Variants in SLC39A11 observed in about 807,000 individuals in gnomAD.
The protein encoded by SLC39A11 is zinc transporter ZIP11.
SLC39A11 carries 33 observed loss-of-function variants against 36.1 expected under a neutral mutation model. The ratio of observed to expected loss-of-function variants is 0.91; its 90% CI spans 0.69 to 1.22. SLC39A11 has a LOEUF of 1.22. Among genes scored for constraint, SLC39A11 ranks in the 50% most tolerant of loss-of-function variants. The pLI is 0.00. For synonymous variants in SLC39A11, 166 were observed against 170.3 expected (o/e 0.97, Z 0.20); for missense variants, 432 against 430.3 (o/e 1.00, Z -0.03).
chr17:73,001,637 T>C (rs2089830113), intron 4 of SLC39A11, among the ~76,000 whole-genome samples: 1 of 151,256 alleles, frequency 6.6e-6, no homozygotes, highest in African/African-American at 2.4e-5. Flanking sequence ...AACAGAGAAA[T>C]AGGAAGGAAG....
Position 72,947,893 on chromosome 17 carries a change from A to AAC in SLC39A11, c.307-20_307-19dup. 6.2e-7 allele frequency: 1 copy of AAC among 1,612,378 alleles called. No individual in the cohort carries two copies. The highest frequency in any genetic ancestry group is 8.5e-7 in the Non-Finnish European group (1 of 1,179,994). Reference sequence around the variant, plus strand: ...GCTGCACCCTGAAACAAGAAGCGGTAACATCACTAGAGCACCACTACTGTG... The same window carrying AAC: ...GCTGCACCCTGAAACAAGAAGCGGTAACACATCACTAGAGCACCACTACTGTG... On this transcript the variant is annotated intron_variant, in intron 4 of 9. Coordinates refer to ENST00000255559, the MANE Select transcript of SLC39A11 (RefSeq NM_139177.4).
At chr17:72,692,215 A>T (rs1598359143) in intron 7 of SLC39A11, among the ~76,000 whole-genome samples, 1 of 151,244 alleles carries the variant, frequency 6.6e-6, no homozygotes, top group East Asian at 1.9e-4. Context: ...GTTTCACCAC[A>T]TTAGCCAGGA....
At chr17:72,824,719 C>G (rs186672129) in intron 6 of SLC39A11, among the ~76,000 whole-genome samples, 7 of 151,270 alleles carry the variant, frequency 4.6e-5, no homozygotes, top group Non-Finnish European at 1.0e-4. Flanking sequence ...AGGTCACTTG[C>G]TATGCCTGAG....
chr17:72,772,955 G>A (rs1598661568), intron 6 of SLC39A11, among the ~76,000 whole-genome samples: 2 of 152,052 alleles, frequency 1.3e-5, no homozygotes, highest in East Asian at 1.9e-4. Flanking sequence ...GCATGGTGGC[G>A]AGTGCCTGTA....
chr17:72,737,965 G>T (rs2074504938), intron 6 of SLC39A11, among the ~76,000 whole-genome samples: 1 of 152,028 alleles, frequency 6.6e-6, no homozygotes, highest in Admixed American at 6.6e-5. Context: ...AGGAGGAGGG[G>T]TGGCGTGATC....
intron 3 of SLC39A11, among the ~76,000 whole-genome samples, chr17:73,078,111 A>G (rs1369412096): frequency 1.3e-5 from 2 of 151,720 alleles, no homozygotes; most frequent in Non-Finnish European, 2.9e-5. Flanking sequence ...GGTGGCGTGC[A>G]CCTGTAGTCC....
chr17:72,815,076 G>C (rs1317387337), intron 6 of SLC39A11, among the ~76,000 whole-genome samples: 2 of 152,188 alleles, frequency 1.3e-5, no homozygotes, highest in African/African-American at 4.8e-5. Context: ...AAGCAACCCA[G>C]GAGTTATTGG....
At chr17:72,653,933 G>A (rs1034100512) in intron 7 of SLC39A11, among the ~76,000 whole-genome samples, 12 of 152,130 alleles carry the variant, frequency 7.9e-5, no homozygotes, top group Non-Finnish European at 1.6e-4. Context: ...TAGTTCAACA[G>A]GAGAGAAGGA....
In SLC39A11 at chr17:72,646,685, C is replaced by T. The variant is rs1454778489; in HGVS notation, c.*899G>A. On this transcript the variant is annotated 3_prime_UTR_variant, in exon 10 of 10. Coordinates refer to ENST00000255559, the MANE Select transcript of SLC39A11 (RefSeq NM_139177.4). ...TCACTTGAGTTAACTGAAATGGCTC[C>T]TTCTTTGAGTAATTGAAGAGTTTGA... The T allele has an allele frequency of 1.3e-5, 2 of 152,602 alleles. No homozygotes were observed. The highest frequency in any genetic ancestry group is 4.8e-5 in the African/African-American group (2 of 41,430). 9.5% of individuals were successfully genotyped at this position (152,602 alleles called of 1,614,324 possible).
At chr17:73,025,745 TCAAA>T (rs143184899) in intron 4 of SLC39A11, among the ~76,000 whole-genome samples, 6,392 of 152,228 alleles carry the variant, frequency 0.042, 174 homozygotes, top group East Asian at 0.073. Context: ...TAAAGTATAC[TCAAA>T]CAATACAAGC....
chr17:73,044,027 TATTA>T (rs1168997111), intron 3 of SLC39A11, among the ~76,000 whole-genome samples: 1 of 152,168 alleles, frequency 6.6e-6, no homozygotes, highest in African/African-American at 2.4e-5. Flanking sequence ...CAATTACAGT[TATTA>T]ATTAACGTAG....
chr17:72,932,877 T>C (rs2084503414), intron 5 of SLC39A11, among the ~76,000 whole-genome samples: 1 of 152,234 alleles, frequency 6.6e-6, no homozygotes. Context: ...GAACTTATTC[T>C]CTGAACTCCA....
At chr17:73,038,200 A>G (rs4246434) in intron 3 of SLC39A11, among the ~76,000 whole-genome samples, 106,839 of 152,102 alleles carry the variant, frequency 0.7, 39,012 homozygotes, top group East Asian at 0.89. Context: ...CTCCAGCCTG[A>G]GTGACAGAAC....
chr17:72,962,982 G>A (rs1195415664), intron 4 of SLC39A11, among the ~76,000 whole-genome samples: 1 of 151,984 alleles, frequency 6.6e-6, no homozygotes, highest in African/African-American at 2.4e-5. Flanking sequence ...CTGACCTCAA[G>A]GAAGGCCCAC....
rs529105873 is a variant in SLC39A11 at position 72,734,693 on chromosome 17, G to A, written c.671+1957C>T. ...GCAGGTGACAGAACAGAAGAACATC[G>A]GAGTTGACATGATGATGTCGCGGGG... is the stretch of plus-strand genomic sequence containing the variant. On this transcript the variant is annotated intron_variant, in intron 7 of 9. Transcript: ENST00000255559. Among the ~76,000 whole-genome samples, 5 of 152,314 alleles carry A rather than the reference G, an allele frequency of 3.3e-5. 1 individual carries two copies. The highest frequency in any genetic ancestry group is 6.5e-5 in the Admixed American group (1 of 15,300).
chr17:72,727,638 T>C (rs147826609), intron 7 of SLC39A11, among the ~76,000 whole-genome samples: 9,045 of 122,810 alleles, frequency 0.074, 383 homozygotes, highest in African/African-American at 0.13. Context: ...GGTGAAAGAG[T>C]GAGACTCCGT....
chr17:72,832,608 T>G (rs528458183), intron 6 of SLC39A11, among the ~76,000 whole-genome samples: 1 of 152,308 alleles, frequency 6.6e-6, no homozygotes, highest in Non-Finnish European at 1.5e-5. Flanking sequence ...TAGGTGTCAT[T>G]TCACCCACTG....
intron 5 of SLC39A11, among the ~76,000 whole-genome samples, chr17:72,856,087 C>G (rs1460393454): frequency 6.6e-6 from 1 of 152,010 alleles, no homozygotes; most frequent in African/African-American, 2.4e-5. Context: ...TATAAACAAT[C>G]AGAAATTGGA....
intron 6 of SLC39A11, among the ~76,000 whole-genome samples, chr17:72,777,359 C>A (rs559096663): frequency 1.3e-4 from 20 of 152,150 alleles, no homozygotes; most frequent in Non-Finnish European, 2.5e-4. Flanking sequence ...TGACCAGTAT[C>A]CCCCCAAAAT....
Sources: gnomAD v4.1 joint callset for allele counts (sites outside exome capture counted in the v4.1 genomes callset) on GRCh38, gnomAD v4.1.1 for gene constraint, MANE v1.5 for transcripts, NCBI Gene and HGNC (gene_info 2026-07-23, HGNC 2026-07-21) for gene names.